Variants in AKAP13 observed in about 807,000 individuals in gnomAD.
The protein encoded by AKAP13 is A-kinase anchoring protein 13, also known as A-kinase anchor protein 13.
A neutral mutation model predicts 264.5 loss-of-function variants in AKAP13; 80 were observed. That is an observed-to-expected ratio of 0.30 (90% CI 0.25 to 0.36). The LOEUF (loss-of-function observed/expected upper bound fraction) is 0.36, where lower values mean the gene tolerates loss of function less well. Among genes scored for constraint, AKAP13 ranks in the 10% least tolerant of loss-of-function variants. The probability of loss-of-function intolerance (pLI) is 1.00; values close to 1 mark genes in which losing one functional copy is unlikely to be tolerated. For synonymous variants in AKAP13, 1,380 were observed against 1,250.2 expected (o/e 1.10, Z -2.19); for missense variants, 3,712 against 3,435.2 (o/e 1.08, Z -2.01).
chr15:85,496,960 A>C (rs753468870), intron 2 of AKAP13, among the ~76,000 whole-genome samples: 2 of 152,162 alleles, frequency 1.3e-5, no homozygotes, highest in South Asian at 2.1e-4. Context: ...TTTGAAGTTA[A>C]TGGGCTTTTC....
At chr15:85,521,307 C>T in intron 2 of AKAP13, 121 bp from the exon 3 acceptor site, 1 of 1,197,168 alleles carries the variant, frequency 8.4e-7, no homozygotes, top group Non-Finnish European at 1.2e-6. Flanking sequence ...TTCAGCTTAC[C>T]AGAATGGGGG....
At chr15:85,593,597 A>C (rs1282704343) in intron 8 of AKAP13, among the ~76,000 whole-genome samples, 3 of 151,660 alleles carry the variant, frequency 2.0e-5, no homozygotes, top group Non-Finnish European at 4.4e-5. Context: ...TTTTGTCTTA[A>C]ATGTTTTCCA....
intron 1 of AKAP13, among the ~76,000 whole-genome samples, chr15:85,465,687 A>AT (rs1022509704): frequency 6.6e-6 from 1 of 151,378 alleles, no homozygotes; most frequent in African/African-American, 2.4e-5. Flanking sequence ...TGAACTTATC[A>AT]TTTTTTATGG....
chr15:85,544,053 C>G, intron 5 of AKAP13, 98 bp downstream of exon 5: 2 of 1,445,616 alleles, frequency 1.4e-6, no homozygotes, highest in Non-Finnish European at 1.9e-6. Context: ...GTGTGTTTGC[C>G]GCAAATTAAA....
chr15:85,602,192 T>C (rs2080113198), intron 8 of AKAP13, among the ~76,000 whole-genome samples: 1 of 152,066 alleles, frequency 6.6e-6, no homozygotes, highest in African/African-American at 2.4e-5. Context: ...CATTGAACTT[T>C]TTGTACTCTG....
intron 12 of AKAP13, among the ~76,000 whole-genome samples, chr15:85,662,630 G>A (rs1048085781): frequency 6.6e-6 from 1 of 152,214 alleles, no homozygotes; most frequent in African/African-American, 2.4e-5. Flanking sequence ...CTGAAGGGAT[G>A]CAGCCTAAGA....
intron 21 of AKAP13, among the ~76,000 whole-genome samples, chr15:85,717,614 G>A (rs114605658): frequency 1.7e-4 from 26 of 152,302 alleles, no homozygotes; most frequent in African/African-American, 5.8e-4. Flanking sequence ...CATTTATTTC[G>A]ATGTGGGCCT....
chr15:85,598,562 T>C (rs1056748237), intron 8 of AKAP13, among the ~76,000 whole-genome samples: 1 of 152,210 alleles, frequency 6.6e-6, no homozygotes, highest in Non-Finnish European at 1.5e-5. Context: ...ATGTTACTCT[T>C]GTGCATTTCC....
At chr15:85,629,764 C>CTT (rs773396099) in intron 8 of AKAP13, among the ~76,000 whole-genome samples, 1,915 of 50,506 alleles carry the variant, frequency 0.038, 435 homozygotes, top group Non-Finnish European at 0.048. Flanking sequence ...CCTTTACAGC[C>CTT]TTTTTTTTTT....
chr15:85,406,823 TAAA>T (rs1020572787), intron 1 of AKAP13, among the ~76,000 whole-genome samples: 33 of 151,818 alleles, frequency 2.2e-4, no homozygotes, highest in African/African-American at 7.5e-4. Context: ...AAATGCATAA[TAAA>T]AGCTAATTTG....
Position 85,673,666 on chromosome 15 carries a change from C to CTTTTTTTTTTTTT in AKAP13, c.5101+3850_5101+3862dup, listed in dbSNP as rs386383664. ...TTACAGATGATCCCTTTCTTTCTTT[C>CTTTTTTTTTTTTT]TTTTTTTTTTTTTTTTTTTTTTTTT... is the stretch of plus-strand genomic sequence containing the variant. On this transcript the variant is annotated intron_variant, in intron 14 of 36. Transcript: ENST00000394518. Among the ~76,000 whole-genome samples the CTTTTTTTTTTTTT allele has an allele frequency of 8.9e-4, 69 of 77,558 alleles. 3 individuals are homozygous for CTTTTTTTTTTTTT. The highest frequency in any genetic ancestry group is 3.4e-3 in the African/African-American group (60 of 17,844). The allele number at this position is 77,558 out of a possible 152,430, so 50.9% of individuals were successfully genotyped here. A position where few individuals can be genotyped will look rare whatever the true frequency, so the allele number is the denominator to read the frequency against.
In AKAP13 at chr15:85,457,624, A is replaced by T. The variant is rs141566558; in HGVS notation, c.-11-28086A>T. On this transcript the variant is annotated intron_variant, in intron 1 of 36. Transcript: ENST00000394518. ...GGACACAGCTGTTTCCTCGGGTTGC[A>T]TGGTAACAAACCAAATAATTTGCCT... Among the ~76,000 whole-genome samples, 7 of 152,342 alleles carry T rather than the reference A, an allele frequency of 4.6e-5. No homozygotes were observed. The East Asian group carries it at 7.7e-4, about 17-fold the overall frequency.
chr15:85,493,507 T>C (rs1035449416), intron 2 of AKAP13, among the ~76,000 whole-genome samples: 1 of 152,126 alleles, frequency 6.6e-6, no homozygotes, highest in Admixed American at 6.5e-5. Context: ...TGTAAGGAAA[T>C]CCTTACAGCA....
At chr15:85,711,449 AT>A (rs1482979840) in intron 19 of AKAP13, among the ~76,000 whole-genome samples, 1 of 152,146 alleles carries the variant, frequency 6.6e-6, no homozygotes, top group African/African-American at 2.4e-5. Context: ...TTTGAAAAAA[AT>A]GTATTATTTT....
At position 85,580,848 on chromosome 15, in the gene AKAP13, A is replaced by G. The variant is rs1223341075; in HGVS notation, c.2780A>G (p.Asp927Gly). ...GAAAGCTCTGCAGCTCAGGAACAAGATAAGGATAAAGCGGTGACCTGTTCC... is the reference window on the plus strand; with the variant it reads ...GAAAGCTCTGCAGCTCAGGAACAAGGTAAGGATAAAGCGGTGACCTGTTCC... ...VSESSAAQEQ[D>G]KDKAVTCSSI... Residue 927 changes from aspartate to glycine, a missense_variant, in exon 7 of 37, where the codon GAT becomes GGT. Asp to Gly is a moderately conservative substitution (Grantham distance 94, BLOSUM62 -1). Transcript: ENST00000394518. 2 of 1,614,164 alleles carry G rather than the reference A, an allele frequency of 1.2e-6. No individual in the cohort carries two copies. Among genetic ancestry groups the G allele is most frequent in the East Asian group, 2.2e-5 (1 of 44,890 alleles).
At chr15:85,541,476 A>C (rs528308912) in intron 4 of AKAP13, among the ~76,000 whole-genome samples, 28 of 152,382 alleles carry the variant, frequency 1.8e-4, no homozygotes, top group Non-Finnish European at 3.8e-4. Flanking sequence ...GAAAACATAA[A>C]AAGGTGCTTT....
At chr15:85,409,951 T>A (rs1391734512) in intron 1 of AKAP13, among the ~76,000 whole-genome samples, 4 of 151,772 alleles carry the variant, frequency 2.6e-5, no homozygotes, top group East Asian at 1.9e-4. Context: ...AGTAGTTTTT[T>A]AATGAACCTT....
At chr15:85,418,457 T>C (rs2072349720) in intron 1 of AKAP13, among the ~76,000 whole-genome samples, 1 of 152,192 alleles carries the variant, frequency 6.6e-6, no homozygotes, top group South Asian at 2.1e-4. Flanking sequence ...CCACATTTCT[T>C]CAAGTTGAAA....
At chr15:85,446,667 C>T (rs968022304) in intron 1 of AKAP13, among the ~76,000 whole-genome samples, 1 of 151,062 alleles carries the variant, frequency 6.6e-6, no homozygotes, top group African/African-American at 2.4e-5. Flanking sequence ...GTAAACATGC[C>T]TTTTCGTCTT....
Sources: gnomAD v4.1 joint callset for allele counts (sites outside exome capture counted in the v4.1 genomes callset) on GRCh38, gnomAD v4.1.1 for gene constraint, MANE v1.5 for transcripts, NCBI Gene and HGNC (gene_info 2026-07-23, HGNC 2026-07-21) for gene names.